The following SLC23A2 variants were observed in gnomAD, a reference collection of about 807,000 sequenced individuals.
SLC23A2 encodes the protein solute carrier family 23 member 2.
A neutral mutation model predicts 73.3 loss-of-function variants in SLC23A2; 36 were observed. That is an observed-to-expected ratio of 0.49 (90% CI 0.38 to 0.65). The LOEUF is 0.65. Among genes scored for constraint, SLC23A2 ranks in the 30% least tolerant of loss-of-function variants. The probability of loss-of-function intolerance (pLI) is 0.00; values close to 1 mark genes in which losing one functional copy is unlikely to be tolerated. For missense variants in SLC23A2, 507 were observed against 841.6 expected (o/e 0.60, Z 4.92); for synonymous variants, 343 against 327.3 (o/e 1.05, Z -0.52).
intron 1 of SLC23A2, among the ~76,000 whole-genome samples, chr20:4,988,928 G>A (rs1430607293): frequency 6.6e-6 from 1 of 151,440 alleles, no homozygotes; most frequent in African/African-American, 2.4e-5. Context: ...GAAAGGGAAA[G>A]GGAAAAGGAA....
chr20:4,893,015 C>T (rs1008083595), intron 6 of SLC23A2, among the ~76,000 whole-genome samples: 1 of 151,802 alleles, frequency 6.6e-6, no homozygotes. Context: ...ACAAGAGACA[C>T]CGTCATTGCT....
intron 7 of SLC23A2, among the ~76,000 whole-genome samples, chr20:4,885,107 C>A (rs1485411846): frequency 6.6e-6 from 1 of 152,186 alleles, no homozygotes; most frequent in Admixed American, 6.5e-5. Flanking sequence ...AAAAAACCAA[C>A]CTTTGCACAC....
At chr20:4,903,826 G>T (rs1442958709) in intron 4 of SLC23A2, among the ~76,000 whole-genome samples, 1 of 152,200 alleles carries the variant, frequency 6.6e-6, no homozygotes. Flanking sequence ...AACTTGTTGG[G>T]AGAAATGGTA....
Position 4,862,962 on chromosome 20 carries a change from CG to C in SLC23A2, c.1357-56del. ...GGGACTCATCTCCATGCAAAATCACCGTAAGTTACTAAAGAACACACAGCAG... is the reference window on the plus strand; with the variant it reads ...GGGACTCATCTCCATGCAAAATCACCTAAGTTACTAAAGAACACACAGCAG... On this transcript the variant is annotated intron_variant, in intron 13 of 16. Coordinates refer to ENST00000338244, the MANE Select transcript of SLC23A2 (RefSeq NM_005116.6). This position sits in a 1 kb window ranked among gnomAD's most constrained non-coding sequence, Gnocchi z 5.1. 1 of 1,571,594 alleles carries C rather than the reference CG, an allele frequency of 6.4e-7. No individual in the cohort carries two copies. The highest frequency in any genetic ancestry group is 8.7e-7 in the Non-Finnish European group (1 of 1,150,086).
chr20:4,853,984 A>G lies in SLC23A2; in HGVS notation c.*2988T>C. 6.6e-6 allele frequency: 1 copy of G among 152,198 alleles called. No homozygotes were observed. Among genetic ancestry groups the G allele is most frequent in the Non-Finnish European group, 1.5e-5 (1 of 68,030 alleles). 9.4% of individuals were successfully genotyped at this position (152,198 alleles called of 1,614,324 possible). On this transcript the variant is annotated 3_prime_UTR_variant, in exon 17 of 17. Coordinates refer to ENST00000338244, the MANE Select transcript of SLC23A2 (RefSeq NM_005116.6). ...CTCCATCCCCCACTGTGAATATGGC[A>G]TCACCTCCTGTCCGTATTCACGCTG...
At chr20:4,937,337 C>T (rs2122955062) in intron 2 of SLC23A2, among the ~76,000 whole-genome samples, 1 of 152,238 alleles carries the variant, frequency 6.6e-6, no homozygotes, top group East Asian at 1.9e-4. Flanking sequence ...CCCTCATTGC[C>T]CCTTTTCCTA....
chr20:4,945,187 T>C (rs1049819545), intron 2 of SLC23A2, among the ~76,000 whole-genome samples: 3 of 152,168 alleles, frequency 2.0e-5, no homozygotes, highest in African/African-American at 7.2e-5. Context: ...CAGTGGTGAT[T>C]ATTTGATCTT....
At chr20:4,880,442 G>T (rs1271334063) in intron 9 of SLC23A2, among the ~76,000 whole-genome samples, 1 of 152,130 alleles carries the variant, frequency 6.6e-6, no homozygotes, top group Non-Finnish European at 1.5e-5. Flanking sequence ...GGGGTGCAGA[G>T]GTGACCCACC....
chr20:4,910,029 C>T (rs77881678), intron 4 of SLC23A2, among the ~76,000 whole-genome samples: 4,978 of 152,292 alleles, frequency 0.033, 117 homozygotes, highest in South Asian at 0.069. Context: ...TAATAACCAG[C>T]TTACATGCCA....
At chr20:4,935,655 C>T (rs993806515) in intron 2 of SLC23A2, among the ~76,000 whole-genome samples, 7 of 151,614 alleles carry the variant, frequency 4.6e-5, no homozygotes, top group Admixed American at 1.3e-4. Context: ...AAAAATTAGC[C>T]GGGCGTGGTG....
intron 4 of SLC23A2, 136 bp downstream of exon 4, chr20:4,912,744 C>T (rs771659607): frequency 1.5e-6 from 1 of 668,108 alleles, no homozygotes; most frequent in Non-Finnish European, 2.7e-6. Flanking sequence ...GAGAACACAG[C>T]CCCTTGGGAG....
chr20:4,870,949 C>T (rs147258907), intron 11 of SLC23A2, among the ~76,000 whole-genome samples: 19 of 152,174 alleles, frequency 1.2e-4, no homozygotes, highest in Non-Finnish European at 2.6e-4. Flanking sequence ...CAAAGTGAGG[C>T]CCCACTGAAA....
Position 4,953,627 on chromosome 20 carries a change from G to A in SLC23A2, c.-155+17166C>T, listed in dbSNP as rs1019587685. On this transcript the variant is annotated intron_variant, in intron 2 of 16. Transcript: ENST00000338244. ...ATGCCAGCCGGATGCAGTGGCTCAC[G>A]TCTGTAATCTTAGCACTTTGGGAGG... Among the ~76,000 whole-genome samples, 7 of 152,090 alleles carry A rather than the reference G, an allele frequency of 4.6e-5. No individual in the cohort carries two copies. In the East Asian group the frequency reaches 5.8e-4, roughly 13 times the overall value.
At position 4,857,916 on chromosome 20, in the gene SLC23A2, G is replaced by A. The variant is rs1368463594; in HGVS notation, c.1721-712C>T. On this transcript the variant is annotated intron_variant, in intron 16 of 16. Coordinates refer to ENST00000338244, the MANE Select transcript of SLC23A2 (RefSeq NM_005116.6). This position sits in a 1 kb window ranked among gnomAD's most constrained non-coding sequence, Gnocchi z 4.0. ...ATTGCACTCTAGCCTGGGCAACAGA[G>A]CAAGACTCTGTCTTAAAAACAAAAC... 6.6e-6 allele frequency among the ~76,000 whole-genome samples: 1 copy of A among 152,002 alleles called. No individual in the cohort carries two copies. The highest frequency in any genetic ancestry group is 6.5e-5 in the Admixed American group (1 of 15,268).
intron 9 of SLC23A2, among the ~76,000 whole-genome samples, chr20:4,880,587 C>T (rs1054538599): frequency 6.6e-6 from 1 of 151,184 alleles, no homozygotes; most frequent in African/African-American, 2.4e-5. Context: ...AGAATTCTCA[C>T]GAATAGAGAA....
At chr20:4,950,058 A>T (rs1348304898) in intron 2 of SLC23A2, among the ~76,000 whole-genome samples, 2 of 152,204 alleles carry the variant, frequency 1.3e-5, no homozygotes, top group Non-Finnish European at 2.9e-5. Flanking sequence ...TTTGTGTTAC[A>T]CAACAGCCAC....
intron 2 of SLC23A2, among the ~76,000 whole-genome samples, chr20:4,940,244 G>C (rs1158780759): frequency 6.6e-6 from 1 of 152,150 alleles, no homozygotes; most frequent in Non-Finnish European, 1.5e-5. Context: ...GAGCCTGGGA[G>C]GTAGAGTTTG....
intron 4 of SLC23A2, 36 bp downstream of exon 4, chr20:4,912,844 G>A (rs41282104): frequency 0.02 from 26,327 of 1,305,342 alleles, 389 homozygotes; most frequent in Middle Eastern, 0.058. Flanking sequence ...AGGGGATGGC[G>A]GTGGGAGTGG....
intron 2 of SLC23A2, among the ~76,000 whole-genome samples, chr20:4,943,518 C>T (rs113257858): frequency 0.2 from 29,235 of 149,088 alleles, 4,993 homozygotes; most frequent in African/African-American, 0.47. Flanking sequence ...AAAAAAAAAA[C>T]AGAAAAATTA....
Sources: allele counts gnomAD v4.1 joint callset (sites outside exome capture counted in the v4.1 genomes callset), GRCh38; gene constraint gnomAD v4.1.1; non-coding constraint Gnocchi (gnomAD v3.1); transcripts MANE v1.5; gene names NCBI Gene and HGNC (gene_info 2026-07-23, HGNC 2026-07-21).